The following STPG2 variants were observed in gnomAD, a reference collection of about 807,000 sequenced individuals.
STPG2 encodes the protein sperm-tail PG-rich repeat-containing protein 2.
Under a neutral mutation model 54.2 loss-of-function variants are expected in STPG2, and 56 were observed. The observed-to-expected ratio is 1.03, with a 90% CI of 0.83 to 1.29. The LOEUF is 1.29. Ranked by LOEUF, STPG2 falls within the 50% of genes most tolerant of loss-of-function variation. The pLI is 0.00. For synonymous variants in STPG2, 200 were observed against 181.8 expected (o/e 1.10, Z -0.81); for missense variants, 596 against 544.9 (o/e 1.09, Z -0.93).
At position 97,548,046 on chromosome 4, in the gene STPG2, A is replaced by C. The variant is rs568686791; in HGVS notation, c.462+164653T>G. On this transcript the variant is annotated intron_variant, in intron 4 of 4. Coordinates refer to the STPG2 transcript ENST00000522676. ...ATGCCTGTAATCCCAGCTACTCGGG[A>C]GGCTGAGGCAGGAGAGTCGCTTGAA... 1.3e-4 allele frequency among the ~76,000 whole-genome samples: 20 copies of C among 152,278 alleles called. No individual in the cohort carries two copies. The Middle Eastern group carries it at 0.014, about 104-fold the overall frequency.
At chr4:97,791,668 C>G (rs754358847) in intron 9 of STPG2, among the ~76,000 whole-genome samples, 4 of 151,990 alleles carry the variant, frequency 2.6e-5, no homozygotes, top group African/African-American at 4.8e-5. Flanking sequence ...AATACCTCTA[C>G]TATTATCAGG....
intron 10 of STPG2, among the ~76,000 whole-genome samples, chr4:97,597,868 T>C (rs563246254): frequency 6.6e-6 from 1 of 152,052 alleles, no homozygotes; most frequent in Non-Finnish European, 1.5e-5. Context: ...AAAATAGTAT[T>C]GGAACCCTAG....
chr4:97,617,129 A>AGTGT (rs34498683), intron 10 of STPG2, among the ~76,000 whole-genome samples: 5,650 of 149,738 alleles, frequency 0.038, 136 homozygotes, highest in Middle Eastern at 0.066. Flanking sequence ...TATAATTTAA[A>AGTGT]GTGTGTGTGT....
intron 3 of STPG2, among the ~76,000 whole-genome samples, chr4:98,111,362 A>G (rs920295185): frequency 1.3e-5 from 2 of 152,180 alleles, no homozygotes; most frequent in African/African-American, 4.8e-5. Flanking sequence ...ACATTAAGTG[A>G]TGAGGAGAAT....
chr4:98,099,796 A>C (rs1738972377), intron 5 of STPG2, among the ~76,000 whole-genome samples: 1 of 152,100 alleles, frequency 6.6e-6, no homozygotes, highest in South Asian at 2.1e-4. Context: ...ATTCTAAAAA[A>C]CTTTTTTTAA....
intron 4 of STPG2, among the ~76,000 whole-genome samples, chr4:97,526,125 C>T (rs1025221218): frequency 2.0e-5 from 3 of 151,930 alleles, no homozygotes; most frequent in African/African-American, 7.2e-5. Context: ...TAATAATATA[C>T]TTCATGTAGA....
In STPG2 at chr4:98,134,433, T is replaced by C; in HGVS notation, c.136A>G (p.Thr46Ala). 1 of 1,584,832 alleles carries C rather than the reference T, an allele frequency of 6.3e-7. No individual in the cohort carries two copies. Among genetic ancestry groups the C allele is most frequent in the Non-Finnish European group, 8.6e-7 (1 of 1,162,918 alleles). Residue 46 changes from threonine to alanine, a missense_variant, in exon 2 of 11, where the codon ACT (threonine) becomes GCT (alanine). Coordinates refer to ENST00000295268, the MANE Select transcript of STPG2 (RefSeq NM_174952.3). ...TGSNAPFLSL[T>A]ARESTFTIAS... ...ATGGTAAAAGTACTTTCTCTGGCAGTCAAAGAAAGAAATGGTGCATTACTA... is the reference window on the plus strand; with the variant it reads ...ATGGTAAAAGTACTTTCTCTGGCAGCCAAAGAAAGAAATGGTGCATTACTA...
At chr4:98,037,799 CAAT>C (rs1437055740) in intron 5 of STPG2, among the ~76,000 whole-genome samples, 3 of 151,906 alleles carry the variant, frequency 2.0e-5, no homozygotes, top group Non-Finnish European at 4.4e-5. Context: ...TACATACCAA[CAAT>C]AATTCATAAG....
chr4:97,651,861 A>G (rs1164566755), intron 10 of STPG2, among the ~76,000 whole-genome samples: 4 of 152,028 alleles, frequency 2.6e-5, no homozygotes, highest in Admixed American at 2.6e-4. Flanking sequence ...ACTTTTGAAA[A>G]CATTGGATGT....
At chr4:97,631,102 C>G (rs1425524590) in intron 10 of STPG2, among the ~76,000 whole-genome samples, 2 of 151,788 alleles carry the variant, frequency 1.3e-5, no homozygotes, top group African/African-American at 4.8e-5. Context: ...CACTGCTTTC[C>G]TTTTTAAAGA....
intron 3 of STPG2, among the ~76,000 whole-genome samples, chr4:98,114,178 T>C (rs189412495): frequency 6.6e-6 from 1 of 152,100 alleles, no homozygotes; most frequent in African/African-American, 2.4e-5. Context: ...CCAGATCACC[T>C]TTCAAATGCA....
chr4:97,675,201 C>G (rs1722802922), intron 10 of STPG2, among the ~76,000 whole-genome samples: 2 of 152,064 alleles, frequency 1.3e-5, no homozygotes, highest in Non-Finnish European at 2.9e-5. Context: ...TGGGGTTTCT[C>G]CATGTCGGTC....
chr4:97,688,533 AT>A (rs1332358105), intron 10 of STPG2, among the ~76,000 whole-genome samples: 1 of 152,020 alleles, frequency 6.6e-6, no homozygotes, highest in South Asian at 2.1e-4. Flanking sequence ...TGCCCAGCTA[AT>A]TTTTTTGTAT....
At chr4:97,733,663 A>C (rs887019314) in intron 9 of STPG2, among the ~76,000 whole-genome samples, 3 of 152,098 alleles carry the variant, frequency 2.0e-5, no homozygotes, top group Non-Finnish European at 4.4e-5. Context: ...CCATGGTGAG[A>C]GTGTGTTGTC....
intron 9 of STPG2, among the ~76,000 whole-genome samples, chr4:97,732,335 T>C (rs527590109): frequency 6.6e-5 from 10 of 152,320 alleles, no homozygotes; most frequent in East Asian, 1.9e-4. Context: ...ATTTAAGTCA[T>C]TGATCCATCT....
chr4:98,047,906 G>C (rs567480754), intron 5 of STPG2, among the ~76,000 whole-genome samples: 1 of 152,198 alleles, frequency 6.6e-6, no homozygotes, highest in South Asian at 2.1e-4. Flanking sequence ...AAAAAAATAA[G>C]TGGATACGTG....
At chr4:97,666,725 A>G (rs1010505314) in intron 10 of STPG2, among the ~76,000 whole-genome samples, 1 of 152,216 alleles carries the variant, frequency 6.6e-6, no homozygotes, top group Non-Finnish European at 1.5e-5. Flanking sequence ...TGAACTCGGT[A>G]AATTATTATA....
intron 5 of STPG2, among the ~76,000 whole-genome samples, chr4:98,045,702 A>ATATT (rs537225442): frequency 3.9e-5 from 6 of 152,106 alleles, no homozygotes; most frequent in African/African-American, 7.2e-5. Flanking sequence ...TTGCTAAAAA[A>ATATT]TATTTATTTA....
At chr4:97,668,037 T>C (rs1188655043) in intron 10 of STPG2, among the ~76,000 whole-genome samples, 1 of 152,182 alleles carries the variant, frequency 6.6e-6, no homozygotes, top group Non-Finnish European at 1.5e-5. Context: ...CATGACTATA[T>C]CTCAAAAATA....
Sources: gnomAD v4.1 joint callset for allele counts (sites outside exome capture counted in the v4.1 genomes callset) on GRCh38, gnomAD v4.1.1 for gene constraint, MANE v1.5 for transcripts, NCBI Gene and HGNC (gene_info 2026-07-23, HGNC 2026-07-21) for gene names.